Variants in DACH2 observed in about 807,000 individuals in gnomAD.
The protein encoded by DACH2 is dachshund homolog 2.
In DACH2, 17 loss-of-function variants were observed where a neutral mutation model predicts 35.8. That is an observed-to-expected ratio of 0.48 (90% CI 0.33 to 0.71). The LOEUF (loss-of-function observed/expected upper bound fraction) is 0.71, where lower values mean the gene tolerates loss of function less well. Among genes scored for constraint, DACH2 ranks in the 30% least tolerant of loss-of-function variants. The pLI is 0.02. For missense variants in DACH2, 469 were observed against 472.7 expected, an observed-to-expected ratio of 0.99 and a Z score of 0.07; for synonymous variants, 195 against 177.3, an observed-to-expected ratio of 1.10 and a Z score of -0.79.
chrX:86,427,984 A>G (rs2036921531), intron 2 of DACH2, among the ~76,000 whole-genome samples: 1 of 111,663 alleles, frequency 9.0e-6, no homozygotes, highest in African/African-American at 3.2e-5. Context: ...TTGGTTGAGT[A>G]ATGAAAAAGC....
At chrX:86,546,282 G>C (rs1177646318) in intron 3 of DACH2, among the ~76,000 whole-genome samples, 1 of 109,950 alleles carries the variant, frequency 9.1e-6, no homozygotes, top group Non-Finnish European at 1.9e-5. Flanking sequence ...TCCATGAGCT[G>C]ATCTTGTATT....
chrX:86,492,485 C>A (rs914729584), intron 2 of DACH2, among the ~76,000 whole-genome samples: 9 of 111,969 alleles, frequency 8.0e-5, no homozygotes, highest in Non-Finnish European at 1.7e-4. Context: ...TCAGAAGGTG[C>A]ATGTGCAATT....
At chrX:86,310,321 C>A (rs2034772622) in intron 1 of DACH2, among the ~76,000 whole-genome samples, 1 of 111,748 alleles carries the variant, frequency 8.9e-6, no homozygotes, top group Non-Finnish European at 1.9e-5. Context: ...AAGTAAATTA[C>A]ATGAGGAAGT....
chrX:86,566,481 T>A (rs2039293675), intron 3 of DACH2, among the ~76,000 whole-genome samples: 1 of 111,584 alleles, frequency 9.0e-6, no homozygotes, highest in South Asian at 3.7e-4. Context: ...AACCTTTCTA[T>A]TATTCTATCT....
chrX:86,364,657 C>A (rs2035782263), intron 1 of DACH2, among the ~76,000 whole-genome samples: 1 of 111,477 alleles, frequency 9.0e-6, no homozygotes. Context: ...TCTCCATTAG[C>A]AGTAATTAAT....
In DACH2 at chrX:86,739,877, G is replaced by A. The variant is rs143813657; in HGVS notation, c.1235G>A (p.Arg412Lys). 9.3e-6 allele frequency: 11 copies of A among 1,187,406 alleles called. No individual in the cohort carries two copies. The highest frequency in any genetic ancestry group is 1.2e-5 in the Non-Finnish European group (11 of 885,634). ...SPSQMDHHLE[R>K]MEEVPVQIPI... ...TCTCAGATGGATCATCATTTGGAAA[G>A]AATGGGTGAGTAACTTTTCTGAAAC... The change falls in exon 7 of 12, where the codon AGA becomes AAA. Residue 412 changes from arginine (R) to lysine (K), a missense_variant. Arg to Lys is a conservative substitution (Grantham distance 26, BLOSUM62 2). This residue lies in a region of DACH2 where 363 missense variants were observed against 334.4 expected (regional missense o/e 1.09). Transcript: ENST00000373125.
rs190115110 is a variant in DACH2 at position 86,410,150 on chromosome X, G to C, written c.527+33288G>C. Among the ~76,000 whole-genome samples, 853 of 112,118 alleles carry C rather than the reference G, an allele frequency of 7.6e-3. 8 individuals carry two copies. The highest frequency in any genetic ancestry group is 0.026 in the African/African-American group (816 of 30,891). ...CTTGCACCGTTAATAGCAAAAGACA[G>C]TCTTTCCATTGTTTAAAACAGCAAT... On this transcript the variant is annotated intron_variant, in intron 2 of 11. Transcript: ENST00000373125.
chrX:86,648,686 C>T (rs1314459400), intron 3 of DACH2, among the ~76,000 whole-genome samples: 1 of 110,680 alleles, frequency 9.0e-6, no homozygotes, highest in Non-Finnish European at 1.9e-5. Context: ...GTGATGGTTT[C>T]ATGGGTATAA....
chrX:86,532,260 T>C (rs766567486), intron 3 of DACH2, among the ~76,000 whole-genome samples: 1 of 111,921 alleles, frequency 8.9e-6, no homozygotes, highest in East Asian at 2.8e-4. Flanking sequence ...AAGGCATGAT[T>C]GGTTTTCAGT....
chrX:86,188,183 T>C (rs1259680520), intron 1 of DACH2, among the ~76,000 whole-genome samples: 2 of 112,248 alleles, frequency 1.8e-5, no homozygotes, highest in East Asian at 5.6e-4. Context: ...CCTCTGCTAA[T>C]GATGTAACTG....
intron 1 of DACH2, among the ~76,000 whole-genome samples, chrX:86,221,215 C>A (rs2032703142): frequency 9.0e-6 from 1 of 111,493 alleles, no homozygotes; most frequent in Non-Finnish European, 1.9e-5. Flanking sequence ...AGTATTTAAT[C>A]CATTTTGATT....
At chrX:86,308,975 A>C (rs1433708623) in intron 1 of DACH2, among the ~76,000 whole-genome samples, 1 of 111,747 alleles carries the variant, frequency 8.9e-6, no homozygotes, top group East Asian at 2.8e-4. Context: ...AGACATACTT[A>C]ACAGCTGGCA....
At chrX:86,753,424 G>A (rs751503681) in intron 7 of DACH2, among the ~76,000 whole-genome samples, 5 of 111,554 alleles carry the variant, frequency 4.5e-5, no homozygotes, top group Non-Finnish European at 7.6e-5. Context: ...TGTTTACATT[G>A]TCATAAACAG....
intron 1 of DACH2, among the ~76,000 whole-genome samples, chrX:86,210,410 T>C (rs1447133919): frequency 9.0e-6 from 1 of 111,507 alleles, no homozygotes; most frequent in Non-Finnish European, 1.9e-5. Flanking sequence ...TTAAGAATAC[T>C]AATTTAAAAA....
intron 1 of DACH2, among the ~76,000 whole-genome samples, chrX:86,303,748 C>A (rs946680412): frequency 1.8e-5 from 2 of 108,799 alleles, no homozygotes; most frequent in Admixed American, 1.0e-4. Flanking sequence ...ATATATCTTT[C>A]TGTACCCATA....
intron 2 of DACH2, among the ~76,000 whole-genome samples, chrX:86,501,920 C>T (rs932093678): frequency 1.8e-5 from 2 of 111,208 alleles, no homozygotes; most frequent in Non-Finnish European, 3.8e-5. Flanking sequence ...ATTTCTACCT[C>T]CAAAACTCCA....
intron 3 of DACH2, among the ~76,000 whole-genome samples, chrX:86,562,012 T>A (rs2039226642): frequency 1.3e-5 from 1 of 78,821 alleles, no homozygotes. Context: ...AAATGAAACA[T>A]AAAAAAAAAA....
intron 1 of DACH2, among the ~76,000 whole-genome samples, chrX:86,317,684 C>A (rs1464229238): frequency 8.9e-6 from 1 of 112,164 alleles, no homozygotes; most frequent in Non-Finnish European, 1.9e-5. Flanking sequence ...TTTACATAGG[C>A]CTTTTTTATT....
chrX:86,800,755 C>T (rs1332876778), intron 7 of DACH2, among the ~76,000 whole-genome samples: 1 of 111,443 alleles, frequency 9.0e-6, no homozygotes, highest in Non-Finnish European at 1.9e-5. Flanking sequence ...CTGCAACCTT[C>T]GCCTTCTGGG....
Sources: allele counts gnomAD v4.1 joint callset (sites outside exome capture counted in the v4.1 genomes callset), GRCh38; gene constraint gnomAD v4.1.1; regional missense constraint gnomAD v4.1.1; transcripts MANE v1.5; gene names NCBI Gene and HGNC (gene_info 2026-07-23, HGNC 2026-07-21).